The following GALNT14 variants were observed in gnomAD, a reference collection of about 807,000 sequenced individuals.
GALNT14 encodes UDP-GalNAc:polypeptide N-acetylgalactosaminyltransferase 14.
A neutral mutation model predicts 77.5 loss-of-function variants in GALNT14; 60 were observed. That is an observed-to-expected ratio of 0.77 (90% CI 0.63 to 0.96). The LOEUF is 0.96. GALNT14 is among the 40% of genes least tolerant of loss of function. The pLI, the probability that GALNT14 is intolerant of heterozygous loss-of-function variation, is 0.00. For synonymous variants in GALNT14, 280 were observed against 281.7 expected, an observed-to-expected ratio of 0.99 and a Z score of 0.06; for missense variants, 710 against 731.0, an observed-to-expected ratio of 0.97 and a Z score of 0.33.
At chr2:31,117,850 G>A (rs191848325) in intron 1 of GALNT14, among the ~76,000 whole-genome samples, 3 of 152,288 alleles carry the variant, frequency 2.0e-5, no homozygotes, top group African/African-American at 7.2e-5. Flanking sequence ...CTTCCATTCA[G>A]TTATTTAGAG....
At chr2:30,933,419 G>C (rs1266423031) in intron 9 of GALNT14, among the ~76,000 whole-genome samples, 3 of 152,144 alleles carry the variant, frequency 2.0e-5, no homozygotes, top group Non-Finnish European at 4.4e-5. Context: ...AGGTATTACA[G>C]GGCCTTCGTA....
At chr2:31,044,616 A>C (rs1485800791) in intron 1 of GALNT14, among the ~76,000 whole-genome samples, 1 of 152,064 alleles carries the variant, frequency 6.6e-6, no homozygotes, top group Non-Finnish European at 1.5e-5. Context: ...GATAGACAGA[A>C]GTATAGGGTA....
intron 1 of GALNT14, among the ~76,000 whole-genome samples, chr2:30,993,992 C>T (rs1398455020): frequency 1.3e-5 from 2 of 152,218 alleles, no homozygotes; most frequent in Non-Finnish European, 2.9e-5. Context: ...AAGCTGGACA[C>T]TTAAATTTGG....
chr2:31,022,929 T>C (rs1033102913), intron 1 of GALNT14, among the ~76,000 whole-genome samples: 1 of 152,134 alleles, frequency 6.6e-6, no homozygotes, highest in Non-Finnish European at 1.5e-5. Flanking sequence ...TCTGTCTGCT[T>C]ATCCAGGAGC....
chr2:31,137,744 C>T (rs1365686515), intron 1 of GALNT14, among the ~76,000 whole-genome samples: 1 of 152,202 alleles, frequency 6.6e-6, no homozygotes, highest in Non-Finnish European at 1.5e-5. Context: ...ACCACCCACA[C>T]CCACTGCCAC....
intron 1 of GALNT14, among the ~76,000 whole-genome samples, chr2:31,103,421 T>C (rs1235996065): frequency 6.6e-6 from 1 of 151,944 alleles, no homozygotes; most frequent in African/African-American, 2.4e-5. Flanking sequence ...GAGACGTACA[T>C]CCTGACAGCC....
chr2:30,961,726 G>A (rs1315773500), intron 3 of GALNT14, among the ~76,000 whole-genome samples: 1 of 150,556 alleles, frequency 6.6e-6, no homozygotes. Flanking sequence ...TTGTTGCCAA[G>A]ACTGGAGTGC....
chr2:31,033,273 A>C (rs1672523766), intron 1 of GALNT14, among the ~76,000 whole-genome samples: 1 of 152,090 alleles, frequency 6.6e-6, no homozygotes, highest in Non-Finnish European at 1.5e-5. Flanking sequence ...AACTCAGAGC[A>C]CCAGAGGCAG....
chr2:31,084,317 G>A (rs1009206443), intron 1 of GALNT14, among the ~76,000 whole-genome samples: 4 of 152,226 alleles, frequency 2.6e-5, no homozygotes, highest in African/African-American at 9.6e-5. Flanking sequence ...GAAGCTCAAA[G>A]AGGTAATGCT....
intron 1 of GALNT14, among the ~76,000 whole-genome samples, chr2:31,035,957 A>G (rs914890239): frequency 5.3e-5 from 8 of 152,130 alleles, no homozygotes; most frequent in East Asian, 1.9e-4. Context: ...ATAAACTCCT[A>G]TGACACAACT....
intron 13 of GALNT14, among the ~76,000 whole-genome samples, chr2:30,913,889 A>G (rs556188889): frequency 2.0e-5 from 3 of 152,334 alleles, no homozygotes; most frequent in African/African-American, 4.8e-5. Context: ...ATCTATAGAT[A>G]TTTGAAATTT....
chr2:30,985,335 A>C (rs1669231321), intron 2 of GALNT14, among the ~76,000 whole-genome samples: 1 of 152,180 alleles, frequency 6.6e-6, no homozygotes, highest in Non-Finnish European at 1.5e-5. Context: ...CCTGAAACTC[A>C]AAAAAACAGG....
At chr2:30,943,214 T>G (rs576202906) in intron 8 of GALNT14, among the ~76,000 whole-genome samples, 28 of 152,236 alleles carry the variant, frequency 1.8e-4, no homozygotes, top group African/African-American at 6.7e-4. Flanking sequence ...ACCCTCATAT[T>G]TTTTTCCTTT....
rs1446674737 is a variant in GALNT14 at position 31,001,353 on chromosome 2, G to A, written c.130-8346C>T. On this transcript the variant is annotated intron_variant, in intron 1 of 14. Coordinates refer to ENST00000349752, the MANE Select transcript of GALNT14 (RefSeq NM_024572.4). Reference sequence around the variant, plus strand: ...AAGCCAGGAAAAAAATACAGGATGCGGAAACTAGAGGTAGGGTAGTTGAAT... The same window carrying A: ...AAGCCAGGAAAAAAATACAGGATGCAGAAACTAGAGGTAGGGTAGTTGAAT... Among the ~76,000 whole-genome samples, 5 of 152,146 alleles carry A rather than the reference G, an allele frequency of 3.3e-5. No individual in the cohort carries two copies. The South Asian group carries it at 8.3e-4, about 25-fold the overall frequency.
intron 1 of GALNT14, among the ~76,000 whole-genome samples, chr2:31,008,993 G>C (rs1670850278): frequency 6.6e-6 from 1 of 152,204 alleles, no homozygotes. Context: ...CAGGAAACTT[G>C]CATCTGGCTT....
Position 31,138,003 on chromosome 2 carries a change from C to G in GALNT14, c.84G>C (p.Lys28Asn). The change falls in exon 1 of 15, where the codon AAG (lysine) becomes AAC (asparagine). Residue 28 changes from lysine to asparagine, a missense_variant. By Grantham distance (94) the Lys-to-Asn change is moderately conservative. Transcript: ENST00000349752. ...ITVLLFFWVT[K>N]RKLEVPTGPE... ...GTCCCGTCGGCACCTCCAACTTCCT[C>G]TTGGTTACCCAGAAGAACAGCAGCA... 1 of 1,613,848 alleles carries G rather than the reference C, an allele frequency of 6.2e-7. No homozygotes were observed. The highest frequency in any genetic ancestry group is 8.5e-7 in the Non-Finnish European group (1 of 1,179,802).
At chr2:30,964,754 G>A (rs1463408723) in intron 3 of GALNT14, among the ~76,000 whole-genome samples, 1 of 152,226 alleles carries the variant, frequency 6.6e-6, no homozygotes, top group Non-Finnish European at 1.5e-5. Context: ...TCTAAGGGAT[G>A]TGGTGACTGT....
At chr2:31,038,993 A>G (rs10206765) in intron 1 of GALNT14, among the ~76,000 whole-genome samples, 118,078 of 152,110 alleles carry the variant, frequency 0.78, 46,101 homozygotes, top group East Asian at 0.99. Flanking sequence ...CAATCCACCC[A>G]CCTCAGCCTT....
chr2:31,085,090 G>A (rs935890215), intron 1 of GALNT14, among the ~76,000 whole-genome samples: 2 of 151,736 alleles, frequency 1.3e-5, no homozygotes, highest in South Asian at 2.1e-4. Flanking sequence ...GTAGTACTCC[G>A]TGCAGGGGAA....
Sources: allele counts gnomAD v4.1 joint callset (sites outside exome capture counted in the v4.1 genomes callset), GRCh38; gene constraint gnomAD v4.1.1; transcripts MANE v1.5; gene names NCBI Gene and HGNC (gene_info 2026-07-23, HGNC 2026-07-21).